The following CHSY3 variants were observed in gnomAD, a reference collection of about 807,000 sequenced individuals.
CHSY3 encodes chondroitin sulfate synthase 3, also known as N-acetylgalactosaminyl-proteoglycan 3-beta-glucuronosyltransferase 3.
Under a neutral mutation model 67.2 loss-of-function variants are expected in CHSY3, and 35 were observed. That is an observed-to-expected ratio of 0.52 (90% CI 0.40 to 0.69). CHSY3 has a LOEUF of 0.69. CHSY3 is among the 30% of genes least tolerant of loss of function. The pLI is 0.00. For missense variants in CHSY3, 1,069 were observed against 1,138.5 expected, an observed-to-expected ratio of 0.94 and a Z score of 0.88; for synonymous variants, 474 against 434.7, an observed-to-expected ratio of 1.09 and a Z score of -1.12.
At chr5:130,027,100 C>A (rs989902891) in intron 2 of CHSY3, among the ~76,000 whole-genome samples, 2 of 152,106 alleles carry the variant, frequency 1.3e-5, no homozygotes, top group Non-Finnish European at 2.9e-5. Context: ...GCAAATGCAG[C>A]CTTTCTGGTT....
At chr5:129,917,313 A>G (rs186375085) in intron 2 of CHSY3, among the ~76,000 whole-genome samples, 14 of 152,308 alleles carry the variant, frequency 9.2e-5, no homozygotes, top group Non-Finnish European at 1.6e-4. Flanking sequence ...CCTTATATAA[A>G]ATGGTGTAGA....
At chr5:130,144,415 C>T (rs1769010096) in intron 2 of CHSY3, among the ~76,000 whole-genome samples, 2 of 151,838 alleles carry the variant, frequency 1.3e-5, no homozygotes, top group Non-Finnish European at 2.9e-5. Context: ...ACAATAGCTG[C>T]ATAAAAGTAA....
At chr5:129,942,030 T>C (rs1305456484) in intron 2 of CHSY3, among the ~76,000 whole-genome samples, 3 of 152,192 alleles carry the variant, frequency 2.0e-5, no homozygotes, top group African/African-American at 7.2e-5. Context: ...AACCCAGTCC[T>C]CTTGGGTTTT....
intron 2 of CHSY3, among the ~76,000 whole-genome samples, chr5:130,049,559 T>C (rs1765265731): frequency 1.3e-5 from 2 of 152,078 alleles, no homozygotes; most frequent in Non-Finnish European, 2.9e-5. Flanking sequence ...TTAAATATCT[T>C]TTATTTGAAG....
Position 130,129,446 on chromosome 5 carries a change from C to T in CHSY3, c.1087-54783C>T, listed in dbSNP as rs186106490. On this transcript the variant is annotated intron_variant, in intron 2 of 2. Coordinates refer to ENST00000305031, the MANE Select transcript of CHSY3 (RefSeq NM_175856.5). ...CTTAGCTTTGTTGGAAATACTTCCT[C>T]TTCATATGGCACAAATTAATTTATA... 2.0e-5 allele frequency among the ~76,000 whole-genome samples: 3 copies of T among 152,228 alleles called. No homozygotes were observed. In the East Asian group the frequency reaches 5.8e-4, roughly 29 times the overall value.
Position 130,141,064 on chromosome 5 carries a change from G to T in CHSY3, c.1087-43165G>T, listed in dbSNP as rs75685394. The T allele has an allele frequency of 9.1e-4, 252 of 276,698 alleles. 3 individuals are homozygous for T. The East Asian group carries it at 0.027, about 30-fold the overall frequency. The allele number at this position is 276,698 out of a possible 1,614,324, so 17.1% of individuals were successfully genotyped here. On this transcript the variant is annotated intron_variant, in intron 2 of 2. Transcript: ENST00000305031. ...GTTCTATTTGTATTTCCAAGATTTT[G>T]TAGCTTCTCCAGACTTCTTTAATGA...
At chr5:129,968,355 A>G (rs1453751406) in intron 2 of CHSY3, among the ~76,000 whole-genome samples, 1 of 151,894 alleles carries the variant, frequency 6.6e-6, no homozygotes, top group Non-Finnish European at 1.5e-5. Context: ...ATGAACACTT[A>G]AATCCATCTA....
At chr5:130,120,359 T>G (rs1284192595) in intron 2 of CHSY3, among the ~76,000 whole-genome samples, 1 of 152,090 alleles carries the variant, frequency 6.6e-6, no homozygotes, top group Non-Finnish European at 1.5e-5. Context: ...GGACAGTTCC[T>G]GTAGTGTTCT....
At chr5:130,040,690 C>T (rs536327516) in intron 2 of CHSY3, among the ~76,000 whole-genome samples, 1 of 152,174 alleles carries the variant, frequency 6.6e-6, no homozygotes, top group Admixed American at 6.6e-5. Flanking sequence ...TCAAAATGAG[C>T]AAATTGTTAG....
At chr5:129,954,623 G>A (rs7732906) in intron 2 of CHSY3, among the ~76,000 whole-genome samples, 5 of 152,160 alleles carry the variant, frequency 3.3e-5, no homozygotes, top group East Asian at 3.9e-4. Flanking sequence ...AGCATGGAGT[G>A]TTTTTCCATT....
At chr5:130,006,085 A>T (rs951589126) in intron 2 of CHSY3, among the ~76,000 whole-genome samples, 1 of 152,210 alleles carries the variant, frequency 6.6e-6, no homozygotes, top group South Asian at 2.1e-4. Context: ...TTAAATAAGC[A>T]TTGCAGAAAA....
At chr5:129,926,422 T>C (rs1324993829) in intron 2 of CHSY3, among the ~76,000 whole-genome samples, 2 of 151,958 alleles carry the variant, frequency 1.3e-5, no homozygotes, top group African/African-American at 2.4e-5. Context: ...TGTGTCTTAA[T>C]TGAGTTGTAG....
intron 2 of CHSY3, among the ~76,000 whole-genome samples, chr5:130,079,815 A>T (rs1028660553): frequency 6.6e-6 from 1 of 152,084 alleles, no homozygotes; most frequent in African/African-American, 2.4e-5. Flanking sequence ...ATTTTAATGT[A>T]CTTTTTCAAT....
intron 2 of CHSY3, chr5:130,002,082 TA>T: frequency 1.1e-6 from 1 of 949,046 alleles, no homozygotes; most frequent in Non-Finnish European, 1.3e-6. Context: ...CTGTTGCCTA[TA>T]AACAAAGGTG....
chr5:129,905,037 C>A lies in CHSY3; in HGVS notation c.208C>A (p.Pro70Thr), dbSNP rs756599906. The A allele has an allele frequency of 3.2e-6, 5 of 1,557,018 alleles. No homozygotes were observed. Among genetic ancestry groups the A allele is most frequent in the Admixed American group, 1.8e-5 (1 of 55,522 alleles). ...GCCGCTCCCCCAGCCCCAGTCCCGA[C>A]CACGGCAGGAGCAGTCGCCGCCCCC... is the stretch of plus-strand genomic sequence containing the variant. Reference protein sequence around the residue: ...QQPLPQPQSRPRQEQSPPPAR... With the variant: ...QQPLPQPQSRTRQEQSPPPAR... Residue 70 changes from proline (P) to threonine (T), a missense_variant, in exon 1 of 3, where the codon CCA becomes ACA. Pro to Thr is a conservative substitution (Grantham distance 38). Coordinates refer to ENST00000305031, the MANE Select transcript of CHSY3 (RefSeq NM_175856.5).
At chr5:130,121,100 G>A (rs2149708790) in intron 2 of CHSY3, among the ~76,000 whole-genome samples, 1 of 152,280 alleles carries the variant, frequency 6.6e-6, no homozygotes, top group East Asian at 1.9e-4. Context: ...TCAAGGGTAG[G>A]GCTGTGTCTT....
At chr5:129,947,654 G>C (rs1019892533) in intron 2 of CHSY3, among the ~76,000 whole-genome samples, 1 of 151,460 alleles carries the variant, frequency 6.6e-6, no homozygotes, top group Non-Finnish European at 1.5e-5. Context: ...CAAAAAAAAT[G>C]AGATTTGGGT....
intron 2 of CHSY3, among the ~76,000 whole-genome samples, chr5:130,016,650 T>C (rs1407853342): frequency 1.3e-5 from 2 of 152,190 alleles, no homozygotes; most frequent in African/African-American, 4.8e-5. Context: ...CCTCAGGTGA[T>C]CTGCCGCCTT....
chr5:130,154,208 C>T (rs958943478), intron 2 of CHSY3, among the ~76,000 whole-genome samples: 6 of 152,220 alleles, frequency 3.9e-5, no homozygotes, highest in Non-Finnish European at 7.3e-5. Flanking sequence ...TGAGCCACCG[C>T]GTCTGGCCCT....
Sources: gnomAD v4.1 joint callset for allele counts (sites outside exome capture counted in the v4.1 genomes callset) on GRCh38, gnomAD v4.1.1 for gene constraint, MANE v1.5 for transcripts, NCBI Gene and HGNC (gene_info 2026-07-23, HGNC 2026-07-21) for gene names.